The following LGSN variants were observed in gnomAD, a reference collection of about 807,000 sequenced individuals.
LGSN encodes the protein lengsin, lens protein with glutamine synthetase domain.
Under a neutral mutation model 19.5 loss-of-function variants are expected in LGSN, and 21 were observed. The observed-to-expected ratio is 1.07, with a 90% CI of 0.76 to 1.55. The LOEUF is 1.55. Ranked by LOEUF, LGSN falls within the 40% of genes most tolerant of loss-of-function variation. LGSN has a pLI of 0.00. For synonymous variants in LGSN, 257 were observed against 215.6 expected, an observed-to-expected ratio of 1.19 and a Z score of -1.68; for missense variants, 673 against 608.5, an observed-to-expected ratio of 1.11 and a Z score of -1.12.
the LGSN span, among the ~76,000 whole-genome samples, chr6:63,553,620 G>T: frequency 5.3e-5 from 8 of 152,298 alleles, no homozygotes; most frequent in Non-Finnish European, 8.8e-5. Flanking sequence ...ACTAATGAAT[G>T]ACAGCTAAGG....
chr6:63,523,469 C>CCACTG, the LGSN span, among the ~76,000 whole-genome samples: 1 of 151,928 alleles, frequency 6.6e-6, no homozygotes, highest in Non-Finnish European at 1.5e-5. Context: ...CATGATCGTG[C>CCACTG]CACTGCACTC....
the LGSN span, among the ~76,000 whole-genome samples, chr6:63,414,861 GC>G: frequency 1.6e-3 from 239 of 152,244 alleles, 1 homozygote; most frequent in African/African-American, 5.3e-3. Flanking sequence ...GTTGCAGTGA[GC>G]CAAGGTTATG....
At chr6:63,454,793 C>CTTTTTTTTTTTTTTTTTTTTTT in the LGSN span, among the ~76,000 whole-genome samples, 1 of 91,740 alleles carries the variant, frequency 1.1e-5, no homozygotes, top group Non-Finnish European at 2.0e-5. Context: ...TTTTCTTTTT[C>CTTTTTTTTTTTTTTTTTTTTTT]TTTTTTTTTT....
the LGSN span, chr6:63,572,201 A>C: frequency 6.4e-6 from 1 of 156,210 alleles, no homozygotes; most frequent in Non-Finnish European, 1.4e-5. Context: ...ATAAATCGGA[A>C]TCTCTCTCGC....
the LGSN span, among the ~76,000 whole-genome samples, chr6:63,355,694 T>C: frequency 6.6e-6 from 1 of 152,158 alleles, no homozygotes; most frequent in Admixed American, 6.5e-5. Context: ...TTGTTTTGTT[T>C]TGAGACGGAG....
chr6:63,440,366 G>C, the LGSN span, among the ~76,000 whole-genome samples: 1 of 152,160 alleles, frequency 6.6e-6, no homozygotes, highest in Non-Finnish European at 1.5e-5. Flanking sequence ...CATTCAATCT[G>C]TGAGGCAGGA....
chr6:63,550,677 T>G, the LGSN span, among the ~76,000 whole-genome samples: 3 of 149,494 alleles, frequency 2.0e-5, no homozygotes, highest in African/African-American at 7.4e-5. Context: ...CAGGCTGGAG[T>G]GCAGTGGCAT....
At chr6:63,530,469 C>T in the LGSN span, among the ~76,000 whole-genome samples, 92 of 152,182 alleles carry the variant, frequency 6.0e-4, no homozygotes, top group African/African-American at 2.0e-3. Flanking sequence ...AAGGCTTAGA[C>T]GCCCAGATGT....
At position 63,277,756 on chromosome 6, in the gene LGSN, G is replaced by C. The variant is rs1289178937; in HGVS notation, c.*2265C>G. On this transcript the variant is annotated 3_prime_UTR_variant, in exon 4 of 4. Transcript: ENST00000370657. ...GGGTGAAGGCAGCAAGAGAAAGAAA[G>C]GGCAGAGCACACAGCATCCGTCATT... is the stretch of plus-strand genomic sequence containing the variant. 2 of 152,416 alleles carry C rather than the reference G, an allele frequency of 1.3e-5. No individual in the cohort carries two copies. The highest frequency in any genetic ancestry group is 2.9e-5 in the Non-Finnish European group (2 of 68,254). The allele number at this position is 152,416 out of a possible 1,614,324, so 9.4% of individuals were successfully genotyped here. A position where few individuals can be genotyped will look rare whatever the true frequency, so the allele number is the denominator to read the frequency against.
the LGSN span, among the ~76,000 whole-genome samples, chr6:63,503,962 A>G: frequency 4.8e-4 from 73 of 152,140 alleles, no homozygotes; most frequent in Non-Finnish European, 9.4e-4. Flanking sequence ...ATAAAAATTT[A>G]TATGCAAATA....
chr6:63,529,820 G>A, the LGSN span, among the ~76,000 whole-genome samples: 7 of 152,220 alleles, frequency 4.6e-5, no homozygotes, highest in South Asian at 2.1e-4. Context: ...AAATACGTGC[G>A]TAAGAGGAAT....
chr6:63,490,466 C>T, the LGSN span, among the ~76,000 whole-genome samples: 4 of 152,168 alleles, frequency 2.6e-5, no homozygotes. Context: ...CTTAACCTTA[C>T]CCTAACCAGA....
chr6:63,560,890 T>C, the LGSN span, among the ~76,000 whole-genome samples: 1 of 152,180 alleles, frequency 6.6e-6, no homozygotes, highest in Non-Finnish European at 1.5e-5. Flanking sequence ...ACAACATCTC[T>C]TGAAGTAGCC....
At chr6:63,464,126 T>A in the LGSN span, among the ~76,000 whole-genome samples, 1 of 146,124 alleles carries the variant, frequency 6.8e-6, no homozygotes, top group Non-Finnish European at 1.5e-5. Context: ...CTTTAGTCCA[T>A]TTTTGAAACT....
the LGSN span, among the ~76,000 whole-genome samples, chr6:63,490,966 CCTT>C: frequency 6.6e-6 from 1 of 152,026 alleles, no homozygotes; most frequent in African/African-American, 2.4e-5. Context: ...CCTTCCTCAA[CCTT>C]TTTTTTTTTG....
At position 63,285,768 on chromosome 6, in the gene LGSN, A is replaced by G. The variant is rs1368759931; in HGVS notation, c.164-15T>C. On this transcript the variant is annotated splice_polypyrimidine_tract_variant and intron_variant, in intron 2 of 3. Coordinates refer to ENST00000370657, the MANE Select transcript of LGSN (RefSeq NM_016571.3). ...CCTCATGCAATCTGCAAAATAAAAAAATAGGTTCTAACTCACGAGATCATG... is the reference window on the plus strand; with the variant it reads ...CCTCATGCAATCTGCAAAATAAAAAGATAGGTTCTAACTCACGAGATCATG... 2 of 1,612,012 alleles carry G rather than the reference A, an allele frequency of 1.2e-6. No homozygotes were observed. The highest frequency in any genetic ancestry group is 4.5e-5 in the East Asian group (2 of 44,866).
the LGSN span, among the ~76,000 whole-genome samples, chr6:63,376,326 G>A: frequency 6.6e-6 from 1 of 152,156 alleles, no homozygotes; most frequent in Admixed American, 6.5e-5. Flanking sequence ...GAGCAATGCA[G>A]ATAATAAACA....
chr6:63,365,701 A>G, the LGSN span, among the ~76,000 whole-genome samples: 1 of 152,240 alleles, frequency 6.6e-6, no homozygotes. Context: ...AAATACTAGC[A>G]AACTGAATCC....
At position 63,285,597 on chromosome 6, in the gene LGSN, T is replaced by A; in HGVS notation, c.320A>T (p.His107Leu). Residue 107 changes from histidine to leucine, a missense_variant, in exon 3 of 4, where the codon CAC becomes CTC. Transcript: ENST00000370657. ...GVSRSKTIPA[H>L]FFQEKVSHGV... is the part of the protein sequence containing the mutation. The stretch of plus-strand genomic sequence containing the variant: ...CTGTGTAAAACTCACTTGAAAAAAG[T>A]GTGCAGGGATAGTCTTAGACCTGGA... The A allele has an allele frequency of 6.2e-7, 1 of 1,612,312 alleles. No homozygotes were observed. Among genetic ancestry groups the A allele is most frequent in the Non-Finnish European group, 8.5e-7 (1 of 1,179,044 alleles).
Sources: gnomAD v4.1 joint callset for allele counts (sites outside exome capture counted in the v4.1 genomes callset) on GRCh38, gnomAD v4.1.1 for gene constraint, MANE v1.5 for transcripts, NCBI Gene and HGNC (gene_info 2026-07-23, HGNC 2026-07-21) for gene names.